The following WDR44 variants were observed in gnomAD, a reference collection of about 807,000 sequenced individuals.
WDR44 encodes the protein WD repeat domain 44.
In WDR44, 9 loss-of-function variants were observed where a neutral mutation model predicts 65.7. The observed-to-expected ratio is 0.14, with a 90% confidence interval of 0.08 to 0.24. The LOEUF is 0.24. WDR44 is among the 10% of genes least tolerant of loss of function. The pLI is 1.00. For synonymous variants in WDR44, 220 were observed against 235.2 expected (o/e 0.94, Z 0.59); for missense variants, 425 against 670.9 (o/e 0.63, Z 4.05).
chrX:118,366,631 T>C (rs957609879), intron 1 of WDR44, among the ~76,000 whole-genome samples: 2 of 110,633 alleles, frequency 1.8e-5, no homozygotes, highest in Non-Finnish European at 3.8e-5. Context: ...GTACAAAAAT[T>C]TGGGCAGTCT....
At chrX:118,425,269 G>A (rs2057146150) in intron 12 of WDR44, among the ~76,000 whole-genome samples, 1 of 112,083 alleles carries the variant, frequency 8.9e-6, no homozygotes, top group South Asian at 3.7e-4. Flanking sequence ...AGTAAGATGG[G>A]AATCAGTGGG....
chrX:118,428,474 A>G (rs1332643970), intron 12 of WDR44, among the ~76,000 whole-genome samples: 1 of 111,313 alleles, frequency 9.0e-6, no homozygotes, highest in Non-Finnish European at 1.9e-5. Flanking sequence ...CTTTGAGGAA[A>G]TATGCTAAAT....
At position 118,409,675 on chromosome X, in the gene WDR44, T is replaced by C. The variant is rs771104802; in HGVS notation, c.1672+48T>C. On this transcript the variant is annotated intron_variant, in intron 11 of 19. Coordinates refer to ENST00000254029, the MANE Select transcript of WDR44 (RefSeq NM_019045.5). ...TCTACAGAAACCTGAAGTTTTTACA[T>C]TTTAGGTATACTGATGCCCTACTTT... 2.7e-6 allele frequency: 3 copies of C among 1,105,814 alleles called. No individual in the cohort carries two copies. The South Asian group carries it at 6.5e-5, about 24-fold the overall frequency. The allele number at this position is 1,105,814 out of a possible 1,213,427, so 91.1% of individuals were successfully genotyped here.
At chrX:118,426,752 T>C (rs60020014) in intron 12 of WDR44, among the ~76,000 whole-genome samples, 28,812 of 109,058 alleles carry the variant, frequency 0.26, 3,167 homozygotes, top group African/African-American at 0.39. Flanking sequence ...TTTTACTTGG[T>C]AATTCTACCT....
In WDR44 at chrX:118,436,790, T is replaced by C. The variant is rs750988239; in HGVS notation, c.1940T>C (p.Ile647Thr). The C allele has an allele frequency of 3.3e-6, 4 of 1,196,121 alleles. No individual in the cohort carries two copies. Among genetic ancestry groups the C allele is most frequent in the East Asian group, 6.0e-5 (2 of 33,428 alleles). The change falls in exon 14 of 20, where the codon ATA (isoleucine) becomes ACA (threonine). Residue 647 changes from isoleucine (I) to threonine (T), a missense_variant. Physicochemically the swap from Ile to Thr is moderately conservative, Grantham distance 89. Transcript: ENST00000254029. ...GAATGCCTTTGCTGTTTTCAACATATAGATTTTGTCACTGCCATAGCTTTT... is the reference window on the plus strand; with the variant it reads ...GAATGCCTTTGCTGTTTTCAACATACAGATTTTGTCACTGCCATAGCTTTT... The part of the protein sequence containing the change: ...RRECLCCFQH[I>T]DFVTAIAFHP...
chrX:118,428,202 C>T (rs2057175508), intron 12 of WDR44, among the ~76,000 whole-genome samples: 1 of 109,548 alleles, frequency 9.1e-6, no homozygotes, highest in Non-Finnish European at 1.9e-5. Context: ...GCATGAGAAT[C>T]GCCTGAACCC....
chrX:118,412,424 T>C (rs1361559418), intron 12 of WDR44, among the ~76,000 whole-genome samples: 28 of 111,510 alleles, frequency 2.5e-4, no homozygotes, highest in Admixed American at 2.5e-3. Flanking sequence ...AGTATTCTGG[T>C]AGTATTGTGA....
intron 1 of WDR44, among the ~76,000 whole-genome samples, chrX:118,346,832 G>C (rs923066079): frequency 4.5e-5 from 5 of 111,410 alleles, no homozygotes; most frequent in Non-Finnish European, 7.5e-5. Context: ...CTCGGAGCCC[G>C]TTTCTCTTCT....
At chrX:118,383,311 G>A (rs778268187) in intron 2 of WDR44, among the ~76,000 whole-genome samples, 28 of 111,238 alleles carry the variant, frequency 2.5e-4, no homozygotes, top group Non-Finnish European at 4.1e-4. Flanking sequence ...AAACAAATTA[G>A]GCCGAGTGCA....
chrX:118,383,878 C>CTTTTTTTTTTTTTTTTTTTTTTATTTTTT (rs549809406), intron 2 of WDR44, among the ~76,000 whole-genome samples: 1 of 69,840 alleles, frequency 1.4e-5, no homozygotes, highest in African/African-American at 5.6e-5. Context: ...TTTTTAATTT[C>CTTTTTTTTTTTTTTTTTTTTTTATTTTTT]TTTTTTTTTT....
rs749596477 is a variant in WDR44, at chrX:118,346,487, G to T, written c.-17G>T. ...CCAGGCGGCGCCGGCCCCCTCACCCGCGGGTGTGTCCTATAAATGGCGTCG... is the reference window on the plus strand; with the variant it reads ...CCAGGCGGCGCCGGCCCCCTCACCCTCGGGTGTGTCCTATAAATGGCGTCG... On this transcript the variant is annotated 5_prime_UTR_variant, in exon 1 of 20. Transcript: ENST00000254029. 8.3e-6 allele frequency: 10 copies of T among 1,204,393 alleles called. No individual in the cohort carries two copies. Among genetic ancestry groups the T allele is most frequent in the Admixed American group, 2.2e-5 (1 of 45,561 alleles).
At chrX:118,353,445 C>G (rs2056432006) in intron 1 of WDR44, among the ~76,000 whole-genome samples, 1 of 111,981 alleles carries the variant, frequency 8.9e-6, no homozygotes, top group Non-Finnish European at 1.9e-5. Context: ...CAGGTTCTGC[C>G]AGAGCGCTTC....
chrX:118,349,783 C>T (rs1385801727), intron 1 of WDR44, among the ~76,000 whole-genome samples: 1 of 111,092 alleles, frequency 9.0e-6, no homozygotes, highest in African/African-American at 3.3e-5. Context: ...CTCCTAACCT[C>T]ATGGTCCGCC....
intron 12 of WDR44, among the ~76,000 whole-genome samples, chrX:118,420,454 T>G (rs1421656296): frequency 9.1e-6 from 1 of 110,485 alleles, no homozygotes; most frequent in Non-Finnish European, 1.9e-5. Flanking sequence ...GGTTTCACCA[T>G]GTTGGCCAGG....
chrX:118,411,097 G>T, intron 12 of WDR44, 138 bp downstream of exon 12: 2 of 514,195 alleles, frequency 3.9e-6, no homozygotes, highest in South Asian at 4.9e-5. Flanking sequence ...AGAACCAAGA[G>T]TTTCTTCAAT....
chrX:118,429,482 G>A (rs949991254), intron 12 of WDR44, among the ~76,000 whole-genome samples: 4 of 108,102 alleles, frequency 3.7e-5, no homozygotes, highest in African/African-American at 1.4e-4. Context: ...CCAGGTTCTC[G>A]GGAGGCTGAG....
At chrX:118,419,458 T>TG (rs1218331724) in intron 12 of WDR44, among the ~76,000 whole-genome samples, 1 of 109,034 alleles carries the variant, frequency 9.2e-6, no homozygotes, top group Non-Finnish European at 1.9e-5. Context: ...GTTTCCCCAG[T>TG]GGGGGTGTGT....
At chrX:118,445,758 G>T (rs1187209655) in intron 19 of WDR44, among the ~76,000 whole-genome samples, 1 of 112,155 alleles carries the variant, frequency 8.9e-6, no homozygotes, top group Non-Finnish European at 1.9e-5. Context: ...GGCCAGGTGC[G>T]GTGGCTCACG....
In WDR44 at chrX:118,427,332, G is replaced by A. The variant is rs776462757; in HGVS notation, c.1738-5449G>A. 4.4e-3 allele frequency among the ~76,000 whole-genome samples: 454 copies of A among 102,918 alleles called. 1 individual carries two copies. Among genetic ancestry groups the A allele is most frequent in the African/African-American group, 0.015 (428 of 28,053 alleles). 89.4% of individuals were successfully genotyped at this position (102,918 alleles called of 115,157 possible). Reference sequence around the variant, plus strand: ...GTCACCCAGGCTGGAGTGCAGTGGCGCGATCTCTGCTCACTGCAAGCTCCG... The same window carrying A: ...GTCACCCAGGCTGGAGTGCAGTGGCACGATCTCTGCTCACTGCAAGCTCCG... On this transcript the variant is annotated intron_variant, in intron 12 of 19. Coordinates refer to ENST00000254029, the MANE Select transcript of WDR44 (RefSeq NM_019045.5).
Sources: gnomAD v4.1 joint callset for allele counts (sites outside exome capture counted in the v4.1 genomes callset) on GRCh38, gnomAD v4.1.1 for gene constraint, MANE v1.5 for transcripts, NCBI Gene and HGNC (gene_info 2026-07-23, HGNC 2026-07-21) for gene names.